Variants in ADARB1 observed in about 807,000 individuals in gnomAD.
ADARB1 encodes the protein double-stranded RNA-specific editase 1.
In ADARB1, 10 loss-of-function variants were observed where a neutral mutation model predicts 52.4. The observed-to-expected ratio is 0.19, with a 90% confidence interval of 0.12 to 0.32. ADARB1 has a LOEUF of 0.32. Among genes scored for constraint, ADARB1 ranks in the 10% least tolerant of loss-of-function variants. The pLI is 1.00. For synonymous variants in ADARB1, 349 were observed against 371.1 expected, an observed-to-expected ratio of 0.94 and a Z score of 0.68; for missense variants, 643 against 922.3, an observed-to-expected ratio of 0.70 and a Z score of 3.92.
intron 9 of ADARB1, among the ~76,000 whole-genome samples, chr21:45,211,907 T>A (rs1164869904): frequency 6.6e-6 from 1 of 152,206 alleles, no homozygotes; most frequent in Non-Finnish European, 1.5e-5. Flanking sequence ...CTTATGACCA[T>A]TTAGGGGCTT....
At chr21:45,101,447 TC>T (rs1276274832) in intron 1 of ADARB1, among the ~76,000 whole-genome samples, 2 of 152,214 alleles carry the variant, frequency 1.3e-5, no homozygotes, top group Non-Finnish European at 2.9e-5. Context: ...TGGGAAAAAC[TC>T]CTGAAGTGCG....
intron 2 of ADARB1, among the ~76,000 whole-genome samples, chr21:45,169,041 G>A (rs566421869): frequency 2.0e-5 from 3 of 152,316 alleles, no homozygotes; most frequent in South Asian, 4.1e-4. Context: ...TGGGGCTCCC[G>A]GATAGCTCCC....
At position 45,220,939 on chromosome 21, in the gene ADARB1, G is replaced by A. The variant is rs1335122371; in HGVS notation, c.1851G>A (p.Gly617=). The stretch of plus-strand genomic sequence containing the variant: ...TTGAGGTCATCAACGCCACGACTGG[G>A]AAGGATGAGCTGGGCCGCGCGTCCC... ...SAIEVINATT[G]KDELGRASRL... The change falls in exon 10 of 11, where the codon GGG becomes GGA. Residue 617 remains glycine, a synonymous_variant. Transcript: ENST00000348831. This position sits in a 1 kb window ranked among gnomAD's most constrained non-coding sequence, Gnocchi z 6.3. 3 of 1,613,334 alleles carry A rather than the reference G, an allele frequency of 1.9e-6. No homozygotes were observed. Among genetic ancestry groups the A allele is most frequent in the Admixed American group, 1.7e-5 (1 of 60,014 alleles).
chr21:45,136,118 A>G (rs1274879312), intron 2 of ADARB1, among the ~76,000 whole-genome samples: 8 of 151,766 alleles, frequency 5.3e-5, no homozygotes, highest in Non-Finnish European at 1.0e-4. Flanking sequence ...CAGGGGAAGG[A>G]GTGGAGGACC....
At chr21:45,106,434 G>A (rs905268121) in intron 1 of ADARB1, among the ~76,000 whole-genome samples, 6 of 152,164 alleles carry the variant, frequency 3.9e-5, no homozygotes, top group Non-Finnish European at 5.9e-5. Context: ...GAGAGAGGGG[G>A]TGGCTAGGCC....
At chr21:45,077,181 T>G (rs2085972958) in intron 1 of ADARB1, among the ~76,000 whole-genome samples, 1 of 152,244 alleles carries the variant, frequency 6.6e-6, no homozygotes, top group Admixed American at 6.5e-5. Flanking sequence ...AAGTTTTACT[T>G]AAGAACTGGG....
intron 3 of ADARB1, among the ~76,000 whole-genome samples, chr21:45,174,694 C>T (rs1167128011): frequency 6.6e-6 from 1 of 151,432 alleles, no homozygotes; most frequent in African/African-American, 2.4e-5. Context: ...TACATACATA[C>T]ATACATACAT....
chr21:45,111,951 A>G (rs2087560855), intron 1 of ADARB1, among the ~76,000 whole-genome samples: 1 of 152,220 alleles, frequency 6.6e-6, no homozygotes, highest in Admixed American at 6.5e-5. Context: ...TGGGCACTCA[A>G]CTGCCTGCTT....
intron 8 of ADARB1, among the ~76,000 whole-genome samples, chr21:45,187,837 A>G (rs1251526884): frequency 6.6e-6 from 1 of 152,188 alleles, no homozygotes; most frequent in Non-Finnish European, 1.5e-5. Flanking sequence ...ATGTTGAACC[A>G]TCCTTGCATT....
At chr21:45,203,457 A>G (rs745652287) in intron 8 of ADARB1, among the ~76,000 whole-genome samples, 20 of 152,058 alleles carry the variant, frequency 1.3e-4, no homozygotes, top group Admixed American at 2.6e-4. Flanking sequence ...CCTGAGCTGT[A>G]TCTCCCCCCA....
intron 2 of ADARB1, among the ~76,000 whole-genome samples, chr21:45,169,611 T>G (rs1403261421): frequency 6.6e-6 from 1 of 152,148 alleles, no homozygotes; most frequent in Admixed American, 6.5e-5. Context: ...ATATCCAGGA[T>G]TTTTAGTTGT....
intron 9 of ADARB1, among the ~76,000 whole-genome samples, chr21:45,218,494 A>G (rs748267121): frequency 4.0e-4 from 61 of 152,028 alleles, no homozygotes; most frequent in South Asian, 1.2e-3. Context: ...TAACATGCCT[A>G]CTCTGATCAG....
At chr21:45,149,613 A>G (rs1459802039) in intron 2 of ADARB1, among the ~76,000 whole-genome samples, 2 of 152,210 alleles carry the variant, frequency 1.3e-5, no homozygotes, top group Non-Finnish European at 2.9e-5. Flanking sequence ...TTTAACTGTT[A>G]ATTTAACTGT....
In ADARB1 at chr21:45,224,147, A is replaced by AT; in HGVS notation, c.*1957dup. 2 of 985,298 alleles carry AT rather than the reference A, an allele frequency of 2.0e-6. No individual in the cohort carries two copies. The highest frequency in any genetic ancestry group is 2.4e-6 in the Non-Finnish European group (2 of 829,912). The allele number at this position is 985,298 out of a possible 1,614,324, so 61.0% of individuals were successfully genotyped here. A position where few individuals can be genotyped will look rare whatever the true frequency, so the allele number is the denominator to read the frequency against. On this transcript the variant is annotated 3_prime_UTR_variant, in exon 11 of 11. Coordinates refer to ENST00000348831, the MANE Select transcript of ADARB1 (RefSeq NM_001112.4). ...CATTTTTATTGTCTTGATAAATTGT[A>AT]TTTTTTTCTAATGGGGATTGGGAGA...
chr21:45,163,819 CCT>C (rs2091107516), intron 2 of ADARB1, among the ~76,000 whole-genome samples: 1 of 109,844 alleles, frequency 9.1e-6, no homozygotes, highest in African/African-American at 3.1e-5. Flanking sequence ...GACATCTGGC[CCT>C]CTGTGCTCTG....
At chr21:45,102,827 G>A (rs1002970770) in intron 1 of ADARB1, among the ~76,000 whole-genome samples, 2 of 152,212 alleles carry the variant, frequency 1.3e-5, no homozygotes, top group Admixed American at 1.3e-4. Context: ...TGTCTTCCAG[G>A]AGGTGGAGCA....
At chr21:45,094,006 TTGTC>T (rs1450418282) in intron 1 of ADARB1, among the ~76,000 whole-genome samples, 3 of 152,216 alleles carry the variant, frequency 2.0e-5, no homozygotes, top group Admixed American at 1.3e-4. Context: ...ATCCAATTAT[TTGTC>T]TGCCCATCCT....
chr21:45,151,238 T>C (rs575043868), intron 2 of ADARB1, among the ~76,000 whole-genome samples: 1 of 152,328 alleles, frequency 6.6e-6, no homozygotes, highest in South Asian at 2.1e-4. Context: ...ATATTCCAGA[T>C]AGATGCTGAG....
At chr21:45,179,967 G>A (rs1303470491) in intron 4 of ADARB1, among the ~76,000 whole-genome samples, 1 of 152,164 alleles carries the variant, frequency 6.6e-6, no homozygotes, top group African/African-American at 2.4e-5. Context: ...GTGGGCGTAG[G>A]CGTGGGCAGG....
Sources: allele counts gnomAD v4.1 joint callset (sites outside exome capture counted in the v4.1 genomes callset), GRCh38; gene constraint gnomAD v4.1.1; non-coding constraint Gnocchi (gnomAD v3.1); transcripts MANE v1.5; gene names NCBI Gene and HGNC (gene_info 2026-07-23, HGNC 2026-07-21).